Variants in CFAP44 observed in about 807,000 individuals in gnomAD.
CFAP44 encodes cilia and flagella associated protein 44, also known as cilia- and flagella-associated protein 44.
A neutral mutation model predicts 216.2 loss-of-function variants in CFAP44; 134 were observed. The ratio of observed to expected loss-of-function variants is 0.62; its 90% confidence interval spans 0.54 to 0.72. The LOEUF (loss-of-function observed/expected upper bound fraction) is 0.72. CFAP44 is among the 30% of genes least tolerant of loss of function. The pLI is 0.00. For synonymous variants in CFAP44, 700 were observed against 727.6 expected, an observed-to-expected ratio of 0.96 and a Z score of 0.61; for missense variants, 2,035 against 2,182.1, an observed-to-expected ratio of 0.93 and a Z score of 1.34.
chr3:113,317,291 G>A (rs1258832292), intron 28 of CFAP44, among the ~76,000 whole-genome samples: 15 of 152,220 alleles, frequency 9.9e-5, no homozygotes, highest in Admixed American at 9.8e-4. Flanking sequence ...TGTGCATTGG[G>A]CAGCTCTGAC....
chr3:113,411,711 G>A (rs1934480726), intron 6 of CFAP44, among the ~76,000 whole-genome samples: 1 of 152,114 alleles, frequency 6.6e-6, no homozygotes, highest in South Asian at 2.1e-4. Flanking sequence ...GGATGGCATT[G>A]AATCTATAAA....
rs1949819962 is a variant in CFAP44, at chr3:113,290,612, A to T, written c.*945T>A. 6.6e-6 allele frequency: 1 copy of T among 152,252 alleles called. No homozygotes were observed. The highest frequency in any genetic ancestry group is 6.5e-5 in the Admixed American group (1 of 15,288). 9.4% of individuals were successfully genotyped at this position (152,252 alleles called of 1,614,324 possible). A position where few individuals can be genotyped will look rare whatever the true frequency, so the allele number is the denominator to read the frequency against. Reference sequence around the variant, plus strand: ...TTATCCTGCAATGGTTATAGCCATGAACTTCAATGAGCACTTACCCCCAAA... The same window carrying T: ...TTATCCTGCAATGGTTATAGCCATGTACTTCAATGAGCACTTACCCCCAAA... On this transcript the variant is annotated 3_prime_UTR_variant, in exon 35 of 35. Coordinates refer to ENST00000393845, the MANE Select transcript of CFAP44 (RefSeq NM_001164496.2).
At position 113,313,890 on chromosome 3, in the gene CFAP44, G is replaced by A. The variant is rs11919471; in HGVS notation, c.4517-5622C>T. On this transcript the variant is annotated intron_variant, in intron 28 of 34. Transcript: ENST00000393845. Reference sequence around the variant, plus strand: ...TTGAGTATGTCTTTATCAGCAGTGTGAGAACAGACTAATACACCAAGATAA... The same window carrying A: ...TTGAGTATGTCTTTATCAGCAGTGTAAGAACAGACTAATACACCAAGATAA... Among the ~76,000 whole-genome samples the A allele has an allele frequency of 7.2e-4, 110 of 152,240 alleles. 1 individual carries two copies. Among genetic ancestry groups the A allele is most frequent in the African/African-American group, 2.4e-3 (100 of 41,534 alleles).
chr3:113,369,345 T>C (rs1447385305), intron 18 of CFAP44, among the ~76,000 whole-genome samples: 2 of 152,158 alleles, frequency 1.3e-5, no homozygotes, highest in African/African-American at 2.4e-5. Flanking sequence ...AAAACACTCC[T>C]CAGCAAATGT....
At chr3:113,317,547 T>C (rs561026771) in intron 28 of CFAP44, among the ~76,000 whole-genome samples, 139 of 152,320 alleles carry the variant, frequency 9.1e-4, no homozygotes, top group African/African-American at 3.1e-3. Flanking sequence ...CCTGAGTAGT[T>C]TCCTGGCAAC....
chr3:113,361,043 C>A, intron 21 of CFAP44: 1 of 271,198 alleles, frequency 3.7e-6, no homozygotes. Context: ...CACAGGATTC[C>A]TGGCTATTAC....
At position 113,330,322 on chromosome 3, in the gene CFAP44, T is replaced by C. The variant is rs970709691; in HGVS notation, c.3962A>G (p.Asp1321Gly). The change falls in exon 26 of 35, where the codon GAT (aspartate) becomes GGT (glycine). Residue 1321 changes from aspartate to glycine, a missense_variant. Physicochemically the swap from Asp to Gly is moderately conservative, Grantham distance 94. Coordinates refer to ENST00000393845, the MANE Select transcript of CFAP44 (RefSeq NM_001164496.2). ...SRKDGDLTTRDSISRSSKAST... is the reference protein window; with the variant it reads ...SRKDGDLTTRGSISRSSKAST... ...TGCCTTTGATGATCTAGATATTGAATCACGGGTTGTCAAATCCCCATCCTT... is the reference window on the plus strand; with the variant it reads ...TGCCTTTGATGATCTAGATATTGAACCACGGGTTGTCAAATCCCCATCCTT... 5 of 1,537,172 alleles carry C rather than the reference T, an allele frequency of 3.3e-6. No homozygotes were observed. Among genetic ancestry groups the C allele is most frequent in the Non-Finnish European group, 4.4e-6 (5 of 1,146,900 alleles).
chr3:113,425,726 C>G (rs1399085108), intron 4 of CFAP44, among the ~76,000 whole-genome samples: 2 of 152,158 alleles, frequency 1.3e-5, no homozygotes, highest in Non-Finnish European at 1.5e-5. Context: ...GTGCAAAGGA[C>G]AGCCAGAAAA....
intron 22 of CFAP44, among the ~76,000 whole-genome samples, chr3:113,346,171 A>G (rs1045233881): frequency 2.0e-5 from 3 of 152,232 alleles, no homozygotes; most frequent in African/African-American, 7.2e-5. Flanking sequence ...AAACGCACCA[A>G]TCAGCGCTCT....
chr3:113,296,698 A>G (rs570455884), intron 33 of CFAP44, 27 bp downstream of exon 33: 1 of 1,530,784 alleles, frequency 6.5e-7, no homozygotes, highest in South Asian at 1.2e-5. Context: ...AGATTCAACC[A>G]AAGATCAACC....
intron 22 of CFAP44, among the ~76,000 whole-genome samples, chr3:113,353,643 T>C (rs1950466442): frequency 6.6e-6 from 1 of 152,184 alleles, no homozygotes; most frequent in African/African-American, 2.4e-5. Context: ...TACTGAAATA[T>C]TATCTAGGAA....
intron 15 of CFAP44, among the ~76,000 whole-genome samples, chr3:113,382,196 A>C (rs1333837431): frequency 6.6e-6 from 1 of 152,196 alleles, no homozygotes; most frequent in Non-Finnish European, 1.5e-5. Flanking sequence ...GACTGAGTGA[A>C]GGAGACTGAG....
chr3:113,330,361 T>C lies in CFAP44; in HGVS notation c.3923A>G (p.Lys1308Arg). 6.5e-7 allele frequency: 1 copy of C among 1,537,330 alleles called. No homozygotes were observed. Among genetic ancestry groups the C allele is most frequent in the African/African-American group, 1.4e-5 (1 of 73,180 alleles). Reference sequence around the variant, plus strand: ...ATCCCCATCCTTTCTAGAAGAGAGTTTGAGGAATCCTCCAACTGGGCCTCC... The same window carrying C: ...ATCCCCATCCTTTCTAGAAGAGAGTCTGAGGAATCCTCCAACTGGGCCTCC... ...GSGGPVGGFLKLSSRKDGDLT... is the reference protein window; with the variant it reads ...GSGGPVGGFLRLSSRKDGDLT... The change falls in exon 26 of 35, where the codon AAA (lysine) becomes AGA (arginine). Residue 1308 changes from lysine (K) to arginine (R), a missense_variant. By Grantham distance (26) the Lys-to-Arg change is conservative. Coordinates refer to ENST00000393845, the MANE Select transcript of CFAP44 (RefSeq NM_001164496.2).
chr3:113,306,428 A>G, intron 29 of CFAP44, 97 bp from the exon 30 acceptor site: 1 of 1,430,320 alleles, frequency 7.0e-7, no homozygotes, highest in South Asian at 1.3e-5. Flanking sequence ...AATAATGTCT[A>G]TTTATGGATC....
intron 24 of CFAP44, among the ~76,000 whole-genome samples, chr3:113,339,206 G>C (rs916746552): frequency 1.3e-5 from 2 of 152,146 alleles, no homozygotes; most frequent in African/African-American, 4.8e-5. Flanking sequence ...CTTGTGCAGA[G>C]GGCTATGAGA....
chr3:113,330,925 G>A (rs1314857548), intron 25 of CFAP44, among the ~76,000 whole-genome samples: 2 of 152,102 alleles, frequency 1.3e-5, no homozygotes, highest in Admixed American at 6.6e-5. Context: ...GTTCCCTCCA[G>A]CTGGCTCGTG....
intron 22 of CFAP44, among the ~76,000 whole-genome samples, chr3:113,354,300 C>T (rs1184702574): frequency 6.6e-6 from 1 of 152,098 alleles, no homozygotes; most frequent in Non-Finnish European, 1.5e-5. Flanking sequence ...ATCCACAGAC[C>T]CTTTGAAGGA....
intron 15 of CFAP44, among the ~76,000 whole-genome samples, chr3:113,392,451 G>A (rs1473430851): frequency 1.4e-5 from 2 of 141,930 alleles, no homozygotes; most frequent in Non-Finnish European, 1.5e-5. Flanking sequence ...GATGGTATAT[G>A]AGTAAGAAAA....
intron 28 of CFAP44, among the ~76,000 whole-genome samples, chr3:113,322,773 A>G (rs1950156610): frequency 6.6e-6 from 1 of 152,238 alleles, no homozygotes; most frequent in Admixed American, 6.5e-5. Context: ...CCAAAAAGAC[A>G]TATGCACTCA....
Sources: allele counts gnomAD v4.1 joint callset (sites outside exome capture counted in the v4.1 genomes callset), GRCh38; gene constraint gnomAD v4.1.1; transcripts MANE v1.5; gene names NCBI Gene and HGNC (gene_info 2026-07-23, HGNC 2026-07-21).